BANK1: variants seen among roughly 807,000 people sequenced by gnomAD.
BANK1 encodes the protein B cell scaffold protein with ankyrin repeats 1.
In BANK1, 95 loss-of-function variants were observed where a neutral mutation model predicts 94.5. The observed-to-expected ratio is 1.00, with a 90% CI of 0.85 to 1.19. The LOEUF (loss-of-function observed/expected upper bound fraction) is 1.19. Among genes scored for constraint, BANK1 ranks in the 50% most tolerant of loss-of-function variants. BANK1 has a pLI of 0.00. For missense variants in BANK1, 987 were observed against 932.2 expected (o/e 1.06, Z -0.77); for synonymous variants, 334 against 308.4 (o/e 1.08, Z -0.87).
chr4:101,861,394 A>T (rs1237246535), intron 3 of BANK1, among the ~76,000 whole-genome samples: 1 of 152,210 alleles, frequency 6.6e-6, no homozygotes, highest in Non-Finnish European at 1.5e-5. Flanking sequence ...ACATGATTTT[A>T]TAAGAGCATA....
At chr4:102,035,462 C>T (rs1727471251) in intron 10 of BANK1, among the ~76,000 whole-genome samples, 1 of 152,046 alleles carries the variant, frequency 6.6e-6, no homozygotes, top group South Asian at 2.1e-4. Context: ...TCCTGGCTAA[C>T]ACGGTGAAAC....
intron 10 of BANK1, among the ~76,000 whole-genome samples, chr4:102,043,149 CT>C (rs1404682805): frequency 2.0e-5 from 3 of 151,968 alleles, no homozygotes; most frequent in Non-Finnish European, 4.4e-5. Context: ...AGAGTCTGGA[CT>C]TTTTTATTAA....
intron 3 of BANK1, 112 bp downstream of exon 3, chr4:101,855,301 A>G (rs1578359380): frequency 9.8e-7 from 1 of 1,023,628 alleles, no homozygotes; most frequent in Admixed American, 2.6e-5. Flanking sequence ...CTGGTCTTTA[A>G]CTCCTGGCCT....
intron 5 of BANK1, among the ~76,000 whole-genome samples, chr4:101,885,798 C>A (rs1056356256): frequency 1.3e-4 from 20 of 152,206 alleles, no homozygotes; most frequent in African/African-American, 4.8e-4. Context: ...ACACCATGTG[C>A]AAACATCACT....
At position 101,812,609 on chromosome 4, in the gene BANK1, C is replaced by CT. The variant is rs372322660; in HGVS notation, c.71-17199_71-17198insT. On this transcript the variant is annotated intron_variant, in intron 1 of 16. Coordinates refer to ENST00000322953, the MANE Select transcript of BANK1 (RefSeq NM_017935.5). ...CGGTTTTTGATGATACTATTCTATG[C>CT]ATTTTAATAGGAGAGAAGAAAATAT... Among the ~76,000 whole-genome samples the CT allele has an allele frequency of 4.9e-3, 751 of 152,008 alleles. 5 individuals carry two copies. Among genetic ancestry groups the CT allele is most frequent in the African/African-American group, 0.017 (710 of 41,498 alleles).
At chr4:101,802,018 G>C (rs1725371186) in intron 1 of BANK1, among the ~76,000 whole-genome samples, 1 of 152,184 alleles carries the variant, frequency 6.6e-6, no homozygotes, top group African/African-American at 2.4e-5. Context: ...ATGGGGGCGT[G>C]GCAAGCCAGG....
At chr4:101,811,507 A>G (rs1725729900) in intron 1 of BANK1, among the ~76,000 whole-genome samples, 1 of 152,002 alleles carries the variant, frequency 6.6e-6, no homozygotes, top group Admixed American at 6.6e-5. Flanking sequence ...GCAGCCCTCC[A>G]CTCAGAAATA....
intron 10 of BANK1, among the ~76,000 whole-genome samples, chr4:102,039,804 A>G (rs541735887): frequency 1.3e-4 from 20 of 152,218 alleles, no homozygotes; most frequent in African/African-American, 4.8e-4. Flanking sequence ...CACTGCTACC[A>G]TCCTGTACTG....
chr4:102,034,008 T>G (rs572123513), intron 10 of BANK1, among the ~76,000 whole-genome samples: 1 of 148,190 alleles, frequency 6.7e-6, no homozygotes, highest in African/African-American at 2.5e-5. Flanking sequence ...TTTCACAGAG[T>G]AAGAGCCTTT....
rs35912776 is a variant in BANK1, at chr4:102,066,256, C to CTT, written c.2212+3132_2212+3133dup. ...TGGAGGATTAAAAATACAATAACAT[C>CTT]TTTTTTTTTTTTTTTCTCAAGACAG... On this transcript the variant is annotated intron_variant, in intron 13 of 16. Transcript: ENST00000322953. 9.0e-5 allele frequency among the ~76,000 whole-genome samples: 13 copies of CTT among 143,916 alleles called. No individual in the cohort carries two copies. In the East Asian group the frequency reaches 1.4e-3, roughly 16 times the overall value. The allele number at this position is 143,916 out of a possible 152,430, so 94.4% of individuals were successfully genotyped here. A position where few individuals can be genotyped will look rare whatever the true frequency, so the allele number is the denominator to read the frequency against.
chr4:102,034,943 T>C (rs1023041071), intron 10 of BANK1, among the ~76,000 whole-genome samples: 2 of 152,128 alleles, frequency 1.3e-5, no homozygotes, highest in Admixed American at 6.5e-5. Flanking sequence ...ACCTATAAGA[T>C]CCATGAAGGA....
chr4:102,027,917 G>A (rs1416558464), intron 9 of BANK1, among the ~76,000 whole-genome samples: 1 of 152,052 alleles, frequency 6.6e-6, no homozygotes, highest in Non-Finnish European at 1.5e-5. Flanking sequence ...AGGTCTCCTA[G>A]GCTATTAGGA....
At chr4:101,812,297 T>C (rs898950867) in intron 1 of BANK1, among the ~76,000 whole-genome samples, 4 of 151,906 alleles carry the variant, frequency 2.6e-5, no homozygotes, top group East Asian at 1.9e-4. Flanking sequence ...TTTTCAACTT[T>C]GATTACAATT....
chr4:101,881,805 T>C (rs988659358), intron 5 of BANK1, among the ~76,000 whole-genome samples: 2 of 152,128 alleles, frequency 1.3e-5, no homozygotes, highest in African/African-American at 4.8e-5. Context: ...CTTAGTGAAT[T>C]AAACCAGGCA....
intron 2 of BANK1, among the ~76,000 whole-genome samples, chr4:101,846,014 C>A (rs765401326): frequency 6.6e-6 from 1 of 152,144 alleles, no homozygotes; most frequent in Admixed American, 6.5e-5. Context: ...ATCCCTCCCC[C>A]CTTCCCCCAC....
chr4:101,862,650 G>A lies in BANK1; in HGVS notation c.749G>A (p.Cys250Tyr), dbSNP rs1198673746. The part of the protein sequence containing the change: ...RPALWNKKVW[C>Y]MKALEFPAGS... ...GCCCTTTGGAATAAGAAAGTCTGGT[G>A]CATGAAAGCTTTAGGTAAGAATGTT... The change falls in exon 4 of 17, where the codon TGC becomes TAC. Residue 250 changes from cysteine to tyrosine, a missense_variant. Coordinates refer to ENST00000322953, the MANE Select transcript of BANK1 (RefSeq NM_017935.5). 1.2e-6 allele frequency: 2 copies of A among 1,602,972 alleles called. No individual in the cohort carries two copies. Among genetic ancestry groups the A allele is most frequent in the East Asian group, 2.3e-5 (1 of 44,344 alleles).
chr4:101,986,923 A>ATATATATATATAG (rs1725524110), intron 7 of BANK1, among the ~76,000 whole-genome samples: 1 of 133,408 alleles, frequency 7.5e-6, no homozygotes, highest in African/African-American at 2.9e-5. Flanking sequence ...ATATATATAT[A>ATATATATATATAG]TATATATAGT....
chr4:101,850,210 C>T (rs1019320918), intron 2 of BANK1, among the ~76,000 whole-genome samples: 5 of 151,994 alleles, frequency 3.3e-5, no homozygotes, highest in African/African-American at 9.7e-5. Flanking sequence ...TATGAGCATA[C>T]CTTGATTTGT....
chr4:102,073,800 G>A, intron 16 of BANK1, 52 bp downstream of exon 16: 1 of 1,370,172 alleles, frequency 7.3e-7, no homozygotes, highest in African/African-American at 1.5e-5. Context: ...AGCCTTGTTA[G>A]GGACTTGAAG....
Sources: allele counts gnomAD v4.1 joint callset (sites outside exome capture counted in the v4.1 genomes callset), GRCh38; gene constraint gnomAD v4.1.1; transcripts MANE v1.5; gene names NCBI Gene and HGNC (gene_info 2026-07-23, HGNC 2026-07-21).